The following DPP6 variants were observed in gnomAD, a reference collection of about 807,000 sequenced individuals.
DPP6 encodes the protein A-type potassium channel modulatory protein DPP6.
Under a neutral mutation model 122.6 loss-of-function variants are expected in DPP6, and 69 were observed. The ratio of observed to expected loss-of-function variants is 0.56; its 90% confidence interval spans 0.46 to 0.69. The LOEUF (loss-of-function observed/expected upper bound fraction) is 0.69, where lower values mean the gene tolerates loss of function less well. Among genes scored for constraint, DPP6 ranks in the 30% least tolerant of loss-of-function variants. The pLI is 0.00. For synonymous variants in DPP6, 418 were observed against 433.1 expected, an observed-to-expected ratio of 0.97 and a Z score of 0.43; for missense variants, 928 against 1,116.9, an observed-to-expected ratio of 0.83 and a Z score of 2.41.
At position 154,483,476 on chromosome 7, in the gene DPP6, C is replaced by T. The variant is rs1823507978; in HGVS notation, c.457+8439C>T. On this transcript the variant is annotated intron_variant, in intron 3 of 25. Transcript: ENST00000377770. The surrounding 1 kb of genome is among the most constrained non-coding windows in gnomAD (Gnocchi z 8.1). ...ACCAGAAGTGGTTCTGGGGTTCTAC[C>T]AAGGGAACAAGGGAGAAGGCTTTTA... Among the ~76,000 whole-genome samples, 3 of 151,752 alleles carry T rather than the reference C, an allele frequency of 2.0e-5. No homozygotes were observed. The highest frequency in any genetic ancestry group is 4.2e-4 in the South Asian group (2 of 4,814).
chr7:154,585,593 G>A (rs1490029553), intron 5 of DPP6, among the ~76,000 whole-genome samples: 2 of 152,194 alleles, frequency 1.3e-5, no homozygotes, highest in African/African-American at 2.4e-5. Flanking sequence ...AGGTAAAATA[G>A]TGTAGTATTT....
At chr7:154,084,865 C>G (rs546463442) in intron 1 of DPP6, among the ~76,000 whole-genome samples, 1 of 151,692 alleles carries the variant, frequency 6.6e-6, no homozygotes, top group African/African-American at 2.4e-5. Flanking sequence ...TGGTGGGCGC[C>G]TGGAGTCCCA....
At chr7:154,349,325 G>A (rs151150683) in intron 1 of DPP6, among the ~76,000 whole-genome samples, 19 of 152,136 alleles carry the variant, frequency 1.2e-4, no homozygotes, top group East Asian at 3.9e-4. Flanking sequence ...ACAGGCGCAC[G>A]CCACCACACC....
At chr7:154,862,190 G>A (rs931106728) in intron 17 of DPP6, among the ~76,000 whole-genome samples, 2 of 152,156 alleles carry the variant, frequency 1.3e-5, no homozygotes, top group East Asian at 3.9e-4. Flanking sequence ...CAGATGAGGG[G>A]GCTCCAAGGC....
intron 10 of DPP6, among the ~76,000 whole-genome samples, chr7:154,784,074 T>C (rs193033998): frequency 2.2e-4 from 34 of 152,148 alleles, no homozygotes; most frequent in African/African-American, 7.7e-4. Flanking sequence ...ACTGGGACTT[T>C]CCTGCTTGGA....
At chr7:153,952,720 A>G (rs191433654) in intron 1 of DPP6, among the ~76,000 whole-genome samples, 3 of 152,338 alleles carry the variant, frequency 2.0e-5, no homozygotes, top group African/African-American at 7.2e-5. Flanking sequence ...TCTTATTAAT[A>G]GTTCATAAGT....
intron 5 of DPP6, among the ~76,000 whole-genome samples, chr7:154,585,309 A>C (rs1343561496): frequency 6.6e-6 from 1 of 152,236 alleles, no homozygotes; most frequent in Non-Finnish European, 1.5e-5. Context: ...ACTAGGATAG[A>C]CTATGGAAGA....
chr7:153,884,621 G>A (rs191231546), upstream of DPP6, among the ~76,000 whole-genome samples: 2 of 152,244 alleles, frequency 1.3e-5, no homozygotes, highest in South Asian at 2.1e-4. Flanking sequence ...GGTTTAATCC[G>A]TATGATTCCA....
intron 16 of DPP6, among the ~76,000 whole-genome samples, chr7:154,824,568 C>T (rs1383378381): frequency 6.6e-6 from 1 of 152,150 alleles, no homozygotes; most frequent in East Asian, 1.9e-4. Flanking sequence ...TGGGAGCCAC[C>T]GTGCCCATCC....
At chr7:154,455,304 C>T (rs938466513) in intron 2 of DPP6, among the ~76,000 whole-genome samples, 17 of 152,074 alleles carry the variant, frequency 1.1e-4, no homozygotes, top group African/African-American at 3.1e-4. Flanking sequence ...TGGCAAAGCC[C>T]GCCATTTGTA....
intron 1 of DPP6, among the ~76,000 whole-genome samples, chr7:154,203,527 C>T (rs1336570504): frequency 2.0e-5 from 3 of 152,180 alleles, no homozygotes; most frequent in Non-Finnish European, 2.9e-5. Context: ...ACTGCCCCTC[C>T]AGGTTTGCAG....
intron 1 of DPP6, among the ~76,000 whole-genome samples, chr7:154,336,101 G>A (rs985633234): frequency 4.6e-5 from 7 of 151,936 alleles, no homozygotes; most frequent in Admixed American, 2.0e-4. Flanking sequence ...AACACAGGGC[G>A]TCAGTCACTT....
At chr7:154,078,539 C>G (rs1470614507) in intron 1 of DPP6, among the ~76,000 whole-genome samples, 4 of 151,980 alleles carry the variant, frequency 2.6e-5, no homozygotes, top group Non-Finnish European at 5.9e-5. Flanking sequence ...CATTTAGTGA[C>G]AAAGTTGTGG....
intron 1 of DPP6, among the ~76,000 whole-genome samples, chr7:154,060,243 C>T (rs1801523971): frequency 7.4e-6 from 1 of 134,558 alleles, no homozygotes. Flanking sequence ...GGATCCCCAT[C>T]GCTGGGGGCG....
the DPP6 span, among the ~76,000 whole-genome samples, chr7:153,757,055 T>A: frequency 0.07 from 7,902 of 113,300 alleles, no homozygotes; most frequent in African/African-American, 0.19. Flanking sequence ...ATAGAGTGAT[T>A]GGAATTTTAT....
intron 1 of DPP6, among the ~76,000 whole-genome samples, chr7:154,166,315 G>C (rs1251537445): frequency 2.0e-5 from 3 of 152,154 alleles, no homozygotes; most frequent in African/African-American, 7.2e-5. Flanking sequence ...GGGCTGTGAA[G>C]GGTCATCTTG....
At chr7:153,766,438 A>G in the DPP6 span, among the ~76,000 whole-genome samples, 3 of 152,114 alleles carry the variant, frequency 2.0e-5, no homozygotes, top group Non-Finnish European at 4.4e-5. Flanking sequence ...CTACTCAGCT[A>G]TATCATTAAA....
At chr7:154,392,374 G>C (rs953301966) in intron 1 of DPP6, among the ~76,000 whole-genome samples, 3 of 152,168 alleles carry the variant, frequency 2.0e-5, no homozygotes, top group African/African-American at 7.2e-5. Flanking sequence ...AGAAACCTCA[G>C]TTGATGAACT....
chr7:153,974,758 C>T (rs148083346), intron 1 of DPP6, among the ~76,000 whole-genome samples: 26,172 of 152,120 alleles, frequency 0.17, 2,805 homozygotes, highest in African/African-American at 0.3. Flanking sequence ...TGAAGTCAAG[C>T]GCTGTGTCAT....
Sources: allele counts gnomAD v4.1 joint callset (sites outside exome capture counted in the v4.1 genomes callset), GRCh38; gene constraint gnomAD v4.1.1; non-coding constraint Gnocchi (gnomAD v3.1); transcripts MANE v1.5; gene names NCBI Gene and HGNC (gene_info 2026-07-23, HGNC 2026-07-21).